Variants in SMTNL2 observed in about 807,000 individuals in gnomAD.
The protein encoded by SMTNL2 is smoothelin like 2.
SMTNL2 carries 43 observed loss-of-function variants against 44.1 expected under a neutral mutation model. The ratio of observed to expected loss-of-function variants is 0.98; its 90% CI spans 0.76 to 1.26. The LOEUF is 1.26. SMTNL2 is among the 50% of genes most tolerant of loss of function. SMTNL2 has a pLI of 0.00. For missense variants in SMTNL2, 646 were observed against 670.2 expected, an observed-to-expected ratio of 0.96 and a Z score of 0.40; for synonymous variants, 317 against 287.6, an observed-to-expected ratio of 1.10 and a Z score of -1.03.
At chr17:4,597,106 G>A in intron 6 of SMTNL2, 66 bp from the exon 7 acceptor site, 2 of 1,574,138 alleles carry the variant, frequency 1.3e-6, no homozygotes, top group South Asian at 1.2e-5. Context: ...AGGAACCACG[G>A]TAATTATGCC....
upstream of SMTNL2, among the ~76,000 whole-genome samples, chr17:4,584,314 C>T (rs1484614819): frequency 6.6e-6 from 1 of 152,142 alleles, no homozygotes; most frequent in Admixed American, 6.5e-5. Flanking sequence ...GTGGGCCCGC[C>T]GCCCCTCCCG....
chr17:4,596,849 T>C lies in SMTNL2; in HGVS notation c.990-11T>C. 6.9e-7 allele frequency: 1 copy of C among 1,441,746 alleles called. No individual in the cohort carries two copies. The highest frequency in any genetic ancestry group is 9.1e-7 in the Non-Finnish European group (1 of 1,096,806). 89.3% of individuals were successfully genotyped at this position (1,441,746 alleles called of 1,614,324 possible). A position where few individuals can be genotyped will look rare whatever the true frequency, so the allele number is the denominator to read the frequency against. On this transcript the variant is annotated splice_polypyrimidine_tract_variant and intron_variant, in intron 5 of 7. Transcript: ENST00000389313. ...AGGGGCCCCCGCAGCAGGCCTGCCG[T>C]CTCTCCGCAGGGGGAAAGGCGAGGC...
intron 1 of SMTNL2, among the ~76,000 whole-genome samples, chr17:4,586,236 C>A (rs540810581): frequency 6.6e-6 from 1 of 152,288 alleles, no homozygotes; most frequent in East Asian, 1.9e-4. Context: ...TTAAACATGT[C>A]ATGGTAGCAG....
At chr17:4,594,937 A>T in intron 4 of SMTNL2, 1 of 647,014 alleles carries the variant, frequency 1.5e-6, no homozygotes, top group Non-Finnish European at 2.6e-6. Context: ...GCGTCTCCTG[A>T]GTTGAGCCTA....
chr17:4,593,433 T>G (rs984418013), intron 3 of SMTNL2, among the ~76,000 whole-genome samples: 8 of 152,190 alleles, frequency 5.3e-5, no homozygotes, highest in Admixed American at 1.3e-4. Context: ...GCCCTGCACG[T>G]TGGGCACTGT....
At chr17:4,606,874 C>T (rs968898327) in intron 7 of SMTNL2, among the ~76,000 whole-genome samples, 43 of 152,088 alleles carry the variant, frequency 2.8e-4, no homozygotes, top group African/African-American at 8.2e-4. Context: ...TGTGCCACTG[C>T]GCTCCAGCCT....
At chr17:4,591,927 T>C (rs974044926) in intron 1 of SMTNL2, among the ~76,000 whole-genome samples, 1 of 152,228 alleles carries the variant, frequency 6.6e-6, no homozygotes, top group Non-Finnish European at 1.5e-5. Context: ...TAGCTCATCG[T>C]TGGCCCAGAA....
intron 5 of SMTNL2, among the ~76,000 whole-genome samples, chr17:4,596,631 G>A (rs920518830): frequency 6.6e-6 from 1 of 152,174 alleles, no homozygotes; most frequent in African/African-American, 2.4e-5. Context: ...TAGGGGTGTG[G>A]ACGGTCCTGC....
chr17:4,584,693 G>A lies in SMTNL2; in HGVS notation c.88G>A (p.Ala30Thr), dbSNP rs1211242999. 2 of 1,286,804 alleles carry A rather than the reference G, an allele frequency of 1.6e-6. No homozygotes were observed. Among genetic ancestry groups the A allele is most frequent in the African/African-American group, 1.6e-5 (1 of 64,260 alleles). The allele number at this position is 1,286,804 out of a possible 1,614,324, so 79.7% of individuals were successfully genotyped here. A position where few individuals can be genotyped will look rare whatever the true frequency, so the allele number is the denominator to read the frequency against. Residue 30 changes from alanine to threonine, a missense_variant, in exon 1 of 8, where the codon GCG (alanine) becomes ACG (threonine). By Grantham distance (58) the Ala-to-Thr change is moderately conservative (BLOSUM62 0). Transcript: ENST00000389313. The stretch of plus-strand genomic sequence containing the variant: ...GGCGGCGCTGGAGGGTGCGGTGCGC[G>A]CGCTGCACGAGGACATGCGGGGGCT... The part of the protein sequence containing the change: ...YEAALEGAVR[A>T]LHEDMRGLQR...
chr17:4,596,895 C>A lies in SMTNL2; in HGVS notation c.1025C>A (p.Ser342Ter). 1.3e-6 allele frequency: 2 copies of A among 1,515,804 alleles called. No individual in the cohort carries two copies. Among genetic ancestry groups the A allele is most frequent in the South Asian group, 2.4e-5 (2 of 82,408 alleles). The allele number at this position is 1,515,804 out of a possible 1,614,324, so 93.9% of individuals were successfully genotyped here. A position where few individuals can be genotyped will look rare whatever the true frequency, so the allele number is the denominator to read the frequency against. The change falls in exon 6 of 8, where the codon TCG becomes TAG. Residue 342 changes from serine (S) to a stop codon, truncating the protein, a stop_gained. Transcript: ENST00000389313. LOFTEE classifies it high-confidence loss of function. ...GAGGCCCGGGCCAGGCTGAAGCGGT[C>A]GCAGAGCTTCGGCGTGGCCAGCGCC... is the stretch of plus-strand genomic sequence containing the variant. Reference protein sequence around the residue: ...KGEARARLKRSQSFGVASASS... With the variant: ...KGEARARLKR
intron 4 of SMTNL2, chr17:4,594,922 G>T: frequency 1.6e-6 from 1 of 614,718 alleles, no homozygotes; most frequent in Non-Finnish European, 2.8e-6. Flanking sequence ...TCCAGATCGG[G>T]CCCAGCGTCT....
In SMTNL2 at chr17:4,597,001, T is replaced by C; in HGVS notation, c.1107+24T>C. ...AGGTGAGCCCCGGCTCCCCTCCGGC[T>C]GCTGGGACGCCCCAGCTAAAAGCTT... On this transcript the variant is annotated intron_variant, in intron 6 of 7. Transcript: ENST00000389313. 2.0e-6 allele frequency: 3 copies of C among 1,483,442 alleles called. No homozygotes were observed. The South Asian group carries it at 4.0e-5, about 20-fold the overall frequency. 91.9% of individuals were successfully genotyped at this position (1,483,442 alleles called of 1,614,324 possible).
In SMTNL2 at chr17:4,598,059, G is replaced by A. The variant is rs543529697; in HGVS notation, c.1259+736G>A. ...GGCGTGGGCAGGAATGAGGTCGTGG[G>A]TCAGGCCTCATGCAGCAGCCTCGGG... On this transcript the variant is annotated intron_variant, in intron 7 of 7. Transcript: ENST00000389313. The surrounding 1 kb of genome is among the most constrained non-coding windows in gnomAD (Gnocchi z 4.8). Among the ~76,000 whole-genome samples the A allele has an allele frequency of 1.2e-4, 19 of 152,362 alleles. No homozygotes were observed. Among genetic ancestry groups the A allele is most frequent in the Non-Finnish European group, 2.1e-4 (14 of 68,034 alleles).
At chr17:4,605,153 GTTTTTTTTTTTT>G (rs753950451) in intron 7 of SMTNL2, among the ~76,000 whole-genome samples, 2 of 82,240 alleles carry the variant, frequency 2.4e-5, no homozygotes, top group African/African-American at 1.1e-4. Context: ...TTTTTGTTTG[GTTTTTTTTTTTT>G]TTTTTTTTTT....
intron 5 of SMTNL2, among the ~76,000 whole-genome samples, chr17:4,596,319 GA>G (rs1909809845): frequency 6.6e-6 from 1 of 152,244 alleles, no homozygotes; most frequent in Non-Finnish European, 1.5e-5. Flanking sequence ...CGACTCTAGT[GA>G]GGGGGACCGA....
upstream of SMTNL2, chr17:4,584,479 C>T (rs1909254169): frequency 1.8e-6 from 2 of 1,097,648 alleles, no homozygotes; most frequent in East Asian, 3.5e-5. Flanking sequence ...GGCCCCGCCC[C>T]GCGCCCGCCT....
chr17:4,593,906 G>A lies in SMTNL2; in HGVS notation c.806+9G>A, dbSNP rs752049169. 10 of 1,613,796 alleles carry A rather than the reference G, an allele frequency of 6.2e-6. No individual in the cohort carries two copies. The Admixed American group carries it at 1.3e-4, about 22-fold the overall frequency. ...AGCAAACACAGCAATAGGTGAGTCA[G>A]GGCCTGTGTTCCTGTGGGGTCGCTG... On this transcript the variant is annotated intron_variant, in intron 4 of 7. Coordinates refer to ENST00000389313, the MANE Select transcript of SMTNL2 (RefSeq NM_001114974.2).
intron 1 of SMTNL2, among the ~76,000 whole-genome samples, chr17:4,589,469 G>A (rs1909477129): frequency 6.6e-6 from 1 of 152,104 alleles, no homozygotes. Context: ...GGCTCTAGGG[G>A]CACCCGTTCT....
chr17:4,591,581 T>C (rs1909572717), intron 1 of SMTNL2, among the ~76,000 whole-genome samples: 1 of 152,246 alleles, frequency 6.6e-6, no homozygotes, highest in African/African-American at 2.4e-5. Context: ...AAGGTGTTGC[T>C]ATAAGGATAG....
Sources: allele counts gnomAD v4.1 joint callset (sites outside exome capture counted in the v4.1 genomes callset), GRCh38; gene constraint gnomAD v4.1.1; non-coding constraint Gnocchi (gnomAD v3.1); transcripts MANE v1.5; gene names NCBI Gene and HGNC (gene_info 2026-07-23, HGNC 2026-07-21).